Variants in UBE2L3 observed in about 807,000 individuals in gnomAD.
UBE2L3 encodes the protein ubiquitin-conjugating enzyme E2 L3.
In UBE2L3, 1 loss-of-function variant was observed where a neutral mutation model predicts 17.8. That is an observed-to-expected ratio of 0.06 (90% confidence interval 0.02 to 0.27). The LOEUF (loss-of-function observed/expected upper bound fraction) is 0.27. UBE2L3 is among the 10% of genes least tolerant of loss of function. UBE2L3 has a pLI of 1.00. For synonymous variants in UBE2L3, 44 were observed against 68.5 expected, an observed-to-expected ratio of 0.64 and a Z score of 1.76; for missense variants, 40 against 192.6, an observed-to-expected ratio of 0.21 and a Z score of 4.69.
At chr22:21,599,856 A>G (rs1928763049) in intron 2 of UBE2L3, among the ~76,000 whole-genome samples, 1 of 152,056 alleles carries the variant, frequency 6.6e-6, no homozygotes, top group South Asian at 2.1e-4. Context: ...TTGGGAGAAA[A>G]GTGAATTATG....
At chr22:21,574,733 G>A (rs556553428) in intron 1 of UBE2L3, among the ~76,000 whole-genome samples, 116 of 152,250 alleles carry the variant, frequency 7.6e-4, no homozygotes, top group African/African-American at 2.7e-3. Flanking sequence ...TTGGGAGGCC[G>A]AGGTGGGCGG....
intron 3 of UBE2L3, among the ~76,000 whole-genome samples, chr22:21,617,734 T>C (rs1929849686): frequency 6.6e-6 from 1 of 152,182 alleles, no homozygotes; most frequent in African/African-American, 2.4e-5. Context: ...CAGTTGTAAT[T>C]TGTAAAGCAG....
In UBE2L3 at chr22:21,579,776, GA is replaced by G. The variant is rs774635605; in HGVS notation, c.27+12015del. Among the ~76,000 whole-genome samples the G allele has an allele frequency of 4.6e-3, 689 of 148,340 alleles. 2 individuals carry two copies. The highest frequency in any genetic ancestry group is 9.4e-3 in the African/African-American group (383 of 40,560). ...ACAAAGCAAGACCCTGTCTCAGGGGGAAAAAAAAAAGTCATGATTTTAGTGT... is the reference window on the plus strand; with the variant it reads ...ACAAAGCAAGACCCTGTCTCAGGGGGAAAAAAAAAGTCATGATTTTAGTGT... On this transcript the variant is annotated intron_variant, in intron 1 of 3. Transcript: ENST00000342192.
intron 3 of UBE2L3, among the ~76,000 whole-genome samples, chr22:21,617,903 C>G (rs921958554): frequency 6.6e-6 from 1 of 152,112 alleles, no homozygotes; most frequent in Non-Finnish European, 1.5e-5. Context: ...GACTTGAGGC[C>G]GGGCATGGTG....
At chr22:21,582,375 A>G (rs1927692385) in intron 1 of UBE2L3, among the ~76,000 whole-genome samples, 1 of 145,764 alleles carries the variant, frequency 6.9e-6, no homozygotes, top group Non-Finnish European at 1.5e-5. Flanking sequence ...TTTTTTTGCG[A>G]TGGAGTCTCG....
intron 2 of UBE2L3, among the ~76,000 whole-genome samples, chr22:21,607,119 G>T (rs1022577808): frequency 6.6e-6 from 1 of 152,154 alleles, no homozygotes; most frequent in African/African-American, 2.4e-5. Context: ...ACTGGCGCAC[G>T]CCAGCCTTGC....
intron 1 of UBE2L3, among the ~76,000 whole-genome samples, chr22:21,591,789 C>T (rs1253123039): frequency 2.0e-5 from 3 of 152,156 alleles, no homozygotes; most frequent in Non-Finnish European, 4.4e-5. Context: ...AGGCAGGGCT[C>T]AGCTGGATGG....
rs1930135092 is a variant in UBE2L3 at position 21,623,174 on chromosome 22, A to C, written c.*1505A>C. Reference sequence around the variant, plus strand: ...CTTTTTGTTTTAATTTTAATTCTATAACTTGAGATCTTTCCGGGGCCTACA... The same window carrying C: ...CTTTTTGTTTTAATTTTAATTCTATCACTTGAGATCTTTCCGGGGCCTACA... On this transcript the variant is annotated 3_prime_UTR_variant, in exon 4 of 4. Coordinates refer to ENST00000342192, the MANE Select transcript of UBE2L3 (RefSeq NM_003347.4). 1 of 152,324 alleles carries C rather than the reference A, an allele frequency of 6.6e-6. No individual in the cohort carries two copies. The highest frequency in any genetic ancestry group is 2.4e-5 in the African/African-American group (1 of 41,438). The allele number at this position is 152,324 out of a possible 1,614,324, so 9.4% of individuals were successfully genotyped here.
chr22:21,565,656 G>C (rs1243922129), upstream of UBE2L3, among the ~76,000 whole-genome samples: 2 of 147,902 alleles, frequency 1.4e-5, no homozygotes, highest in African/African-American at 2.5e-5. Flanking sequence ...AGGAGGCTGA[G>C]GCAGGAGAAT....
chr22:21,561,100 C>G (rs1204409565), intron 1 of UBE2L3, among the ~76,000 whole-genome samples: 5 of 152,250 alleles, frequency 3.3e-5, no homozygotes, highest in Admixed American at 3.3e-4. Context: ...CCCCTCAGGA[C>G]TTGGTCTGGC....
At chr22:21,562,856 C>G (rs1372485149), upstream of UBE2L3, among the ~76,000 whole-genome samples, 1 of 151,860 alleles carries the variant, frequency 6.6e-6, no homozygotes, top group Non-Finnish European at 1.5e-5. Flanking sequence ...GGTGAGTGCC[C>G]AGGACTCCAT....
intron 1 of UBE2L3, among the ~76,000 whole-genome samples, chr22:21,583,523 G>A (rs1954208007): frequency 6.6e-6 from 1 of 152,182 alleles, no homozygotes; most frequent in African/African-American, 2.4e-5. Flanking sequence ...GACATCTGAA[G>A]CATCCCTGAC....
chr22:21,572,421 T>TC (rs1457219020), intron 1 of UBE2L3, among the ~76,000 whole-genome samples: 2 of 8,534 alleles, frequency 2.3e-4, no homozygotes, highest in Non-Finnish European at 5.4e-4. Context: ...AGACTCCGTC[T>TC]CAAAAAAAAA....
intron 2 of UBE2L3, among the ~76,000 whole-genome samples, chr22:21,601,179 C>G (rs1928837334): frequency 6.6e-6 from 1 of 151,754 alleles, no homozygotes; most frequent in Non-Finnish European, 1.5e-5. Flanking sequence ...AAAGAAAAAT[C>G]AATCAATCAA....
intron 1 of UBE2L3, among the ~76,000 whole-genome samples, chr22:21,552,213 A>AT (rs1394055461): frequency 1.3e-5 from 2 of 152,216 alleles, no homozygotes; most frequent in Non-Finnish European, 2.9e-5. Context: ...GTTTTTTGAG[A>AT]TGGGGCCTCA....
At position 21,623,758 on chromosome 22, in the gene UBE2L3, C is replaced by T. The variant is rs764929111; in HGVS notation, c.*2089C>T. ...CTCCTTTGGGCCTGGGCGGCTTGCT[C>T]CTGCCAGCCATGCCTTCAGGGTAGG... On this transcript the variant is annotated 3_prime_UTR_variant, in exon 4 of 4. Coordinates refer to ENST00000342192, the MANE Select transcript of UBE2L3 (RefSeq NM_003347.4). 2 of 152,814 alleles carry T rather than the reference C, an allele frequency of 1.3e-5. No individual in the cohort carries two copies. The highest frequency in any genetic ancestry group is 1.5e-5 in the Non-Finnish European group (1 of 68,098). 9.5% of individuals were successfully genotyped at this position (152,814 alleles called of 1,614,324 possible).
At chr22:21,599,601 A>ATAG (rs1434691256) in intron 2 of UBE2L3, among the ~76,000 whole-genome samples, 4 of 152,194 alleles carry the variant, frequency 2.6e-5, no homozygotes. Context: ...TCTGGACTGC[A>ATAG]TAGTGGAAGG....
intron 1 of UBE2L3, among the ~76,000 whole-genome samples, 172 bp from the exon 2 acceptor site, chr22:21,592,689 C>T (rs1176887087): frequency 6.6e-6 from 1 of 152,150 alleles, no homozygotes; most frequent in Non-Finnish European, 1.5e-5. Context: ...CAGAGGGGAC[C>T]GCCATGGCAG....
chr22:21,568,273 A>G (rs1287767985), intron 1 of UBE2L3: 1 of 986,152 alleles, frequency 1.0e-6, no homozygotes, highest in Non-Finnish European at 1.2e-6. Flanking sequence ...GGAAAGAGAG[A>G]AGGAGGCCAG....
Sources: gnomAD v4.1 joint callset for allele counts (sites outside exome capture counted in the v4.1 genomes callset) on GRCh38, gnomAD v4.1.1 for gene constraint, MANE v1.5 for transcripts, NCBI Gene and HGNC (gene_info 2026-07-23, HGNC 2026-07-21) for gene names.